SSH1: variants seen among roughly 807,000 people sequenced by gnomAD.
The protein encoded by SSH1 is protein phosphatase Slingshot homolog 1.
A neutral mutation model predicts 79.7 loss-of-function variants in SSH1; 43 were observed. The observed-to-expected ratio is 0.54, with a 90% CI of 0.42 to 0.70. SSH1 has a LOEUF of 0.70. SSH1 is among the 30% of genes least tolerant of loss of function. The pLI is 0.00. For missense variants in SSH1, 1,206 were observed against 1,358.8 expected (o/e 0.89, Z 1.77); for synonymous variants, 599 against 538.3 (o/e 1.11, Z -1.56).
At chr12:108,845,393 G>A (rs1161179582) in intron 2 of SSH1, among the ~76,000 whole-genome samples, 1 of 151,946 alleles carries the variant, frequency 6.6e-6, no homozygotes, top group African/African-American at 2.4e-5. Context: ...AACATGGCCT[G>A]GGTGCGGTGG....
intron 2 of SSH1, among the ~76,000 whole-genome samples, chr12:108,832,908 T>C (rs2038508466): frequency 6.6e-6 from 1 of 152,184 alleles, no homozygotes; most frequent in Admixed American, 6.5e-5. Flanking sequence ...ATTCCAGCTC[T>C]GCAGAGCGTT....
At position 108,857,467 on chromosome 12, in the gene SSH1, G is replaced by T; in HGVS notation, c.30C>A (p.Pro10=). The T allele has an allele frequency of 8.8e-7, 1 of 1,130,978 alleles. No homozygotes were observed. The allele number at this position is 1,130,978 out of a possible 1,614,324, so 70.1% of individuals were successfully genotyped here. Residue 10 remains proline (P), a synonymous_variant, in exon 1 of 15, where the codon CCC becomes CCA. Coordinates refer to ENST00000326495, the MANE Select transcript of SSH1 (RefSeq NM_018984.4). The surrounding 1 kb of genome is among the most constrained non-coding windows in gnomAD (Gnocchi z 4.7). The part of the protein sequence containing the change: MALVTLQRS[P]TPSAASSSAS... ...CCGAGGAGGAGGCGGCGCTGGGCGT[G>T]GGCGAGCGCTGCAGGGTCACCAGGG...
At position 108,778,471 on chromosome 12, in the gene SSH1, AC is replaced by A. The variant is rs2036118136; in HGVS notation, c.*9516del. On this transcript the variant is annotated 3_prime_UTR_variant, in exon 15 of 15. Transcript: ENST00000326495. ...CTTCCTGGCTGTGTGTCCCTGACCC[AC>A]GTTACCTAACCTCTCTGAGCATCCA... 6.6e-6 allele frequency: 1 copy of A among 152,224 alleles called. No homozygotes were observed. The highest frequency in any genetic ancestry group is 1.5e-5 in the Non-Finnish European group (1 of 68,046). The allele number at this position is 152,224 out of a possible 1,614,324, so 9.4% of individuals were successfully genotyped here. A position where few individuals can be genotyped will look rare whatever the true frequency, so the allele number is the denominator to read the frequency against.
intron 2 of SSH1, among the ~76,000 whole-genome samples, chr12:108,832,042 T>C (rs2038486545): frequency 6.6e-6 from 1 of 152,186 alleles, no homozygotes; most frequent in African/African-American, 2.4e-5. Context: ...TATAGAGAGT[T>C]TGTCCCTACA....
intron 2 of SSH1, chr12:108,825,979 C>T (rs976491319): frequency 7.8e-6 from 3 of 382,868 alleles, no homozygotes; most frequent in South Asian, 2.0e-5. Flanking sequence ...AACAGCTATG[C>T]GAGAGGTTCC....
chr12:108,818,186 A>G, intron 4 of SSH1, 63 bp downstream of exon 4: 107 of 1,174,142 alleles, frequency 9.1e-5, no homozygotes, highest in Non-Finnish European at 1.2e-4. Context: ...CAACAGAGCA[A>G]GACCCTCATC....
rs143418224 is a variant in SSH1, at chr12:108,849,728, T to C, written c.110+2910A>G. ...AAATAGCTCTTTGCCCCAAAGACAG[T>C]CTAAGTGACAGAGCTCAGTACTCAC... On this transcript the variant is annotated intron_variant, in intron 2 of 14. Transcript: ENST00000326495. 2.0e-4 allele frequency among the ~76,000 whole-genome samples: 30 copies of C among 146,886 alleles called. No homozygotes were observed. The East Asian group carries it at 4.7e-3, about 23-fold the overall frequency.
chr12:108,816,489 A>G (rs532306188), intron 5 of SSH1, among the ~76,000 whole-genome samples: 9 of 152,334 alleles, frequency 5.9e-5, no homozygotes, highest in African/African-American at 2.2e-4. Flanking sequence ...CTTGGGGTCA[A>G]TGCTCTAACT....
chr12:108,801,195 G>C (rs188402696), intron 11 of SSH1, among the ~76,000 whole-genome samples: 51 of 152,240 alleles, frequency 3.3e-4, no homozygotes, highest in Non-Finnish European at 6.3e-4. Flanking sequence ...AAGCATTCTG[G>C]AAAATTAAAT....
chr12:108,807,736 A>C lies in SSH1; in HGVS notation c.628T>G (p.Tyr210Asp). ...TGCTCGGAGCTGATGCAGCTCTCAT[A>C]GTAGGTAGCCCAGATGAGAGCTACA... ...GGVALIWATY[Y>D]ESCISSEQSC... Residue 210 changes from tyrosine to aspartate, a missense_variant, in exon 8 of 15, where the codon TAT becomes GAT. By Grantham distance (160) the Tyr-to-Asp change is radical (BLOSUM62 -3). Coordinates refer to ENST00000326495, the MANE Select transcript of SSH1 (RefSeq NM_018984.4). The surrounding 1 kb of genome is among the most constrained non-coding windows in gnomAD (Gnocchi z 5.2). The C allele has an allele frequency of 6.2e-7, 1 of 1,613,246 alleles. No individual in the cohort carries two copies. The highest frequency in any genetic ancestry group is 8.5e-7 in the Non-Finnish European group (1 of 1,179,594).
At chr12:108,848,514 C>T (rs2038949675) in intron 2 of SSH1, among the ~76,000 whole-genome samples, 1 of 152,136 alleles carries the variant, frequency 6.6e-6, no homozygotes, top group Non-Finnish European at 1.5e-5. Flanking sequence ...TTCTCCTGAC[C>T]CCAAACAGAA....
At chr12:108,811,432 G>T in intron 5 of SSH1, 104 bp from the exon 6 acceptor site, 1 of 971,444 alleles carries the variant, frequency 1.0e-6, no homozygotes, top group Non-Finnish European at 1.7e-6. Flanking sequence ...GGACGTACGT[G>T]TGGGAGTAGG....
At chr12:108,811,601 G>T (rs1284639225) in intron 5 of SSH1, 1 of 500,420 alleles carries the variant, frequency 2.0e-6, no homozygotes, top group Non-Finnish European at 3.7e-6. Context: ...CCCAGGGCTG[G>T]TGCTCTGCTG....
intron 2 of SSH1, among the ~76,000 whole-genome samples, chr12:108,835,653 A>G (rs1261003958): frequency 6.6e-6 from 1 of 151,140 alleles, no homozygotes; most frequent in Non-Finnish European, 1.5e-5. Flanking sequence ...CCTAAAAACC[A>G]TTTGGCGGGG....
rs973121958 is a variant in SSH1 at position 108,783,728 on chromosome 12, G to C, written c.*4260C>G. On this transcript the variant is annotated 3_prime_UTR_variant, in exon 15 of 15. Transcript: ENST00000326495. ...CTGGATGCACATGATCACTTGACTC[G>C]GTTTCTATACTCAAATATACAGATG... The C allele has an allele frequency of 6.6e-6, 1 of 152,218 alleles. No individual in the cohort carries two copies. Among genetic ancestry groups the C allele is most frequent in the Admixed American group, 6.5e-5 (1 of 15,276 alleles). 9.4% of individuals were successfully genotyped at this position (152,218 alleles called of 1,614,324 possible). A position where few individuals can be genotyped will look rare whatever the true frequency, so the allele number is the denominator to read the frequency against.
At chr12:108,854,491 G>A (rs925660688) in intron 1 of SSH1, among the ~76,000 whole-genome samples, 1 of 152,132 alleles carries the variant, frequency 6.6e-6, no homozygotes, top group Non-Finnish European at 1.5e-5. Flanking sequence ...ATCAAAGACT[G>A]GGAAAAAAAG....
intron 2 of SSH1, among the ~76,000 whole-genome samples, chr12:108,832,418 A>G (rs2038497010): frequency 6.6e-6 from 1 of 152,044 alleles, no homozygotes; most frequent in Non-Finnish European, 1.5e-5. Context: ...ATGGGGCTGA[A>G]AAAGTTCGGT....
intron 2 of SSH1, among the ~76,000 whole-genome samples, chr12:108,848,069 G>A (rs896387803): frequency 1.3e-5 from 2 of 152,196 alleles, no homozygotes; most frequent in African/African-American, 4.8e-5. Flanking sequence ...TGCGAGAGGG[G>A]AGGGTGGAAA....
Position 108,857,475 on chromosome 12 carries a change from G to A in SSH1, c.22C>T (p.Arg8Cys), listed in dbSNP as rs1262189089. 3 of 1,135,716 alleles carry A rather than the reference G, an allele frequency of 2.6e-6. No individual in the cohort carries two copies. Among genetic ancestry groups the A allele is most frequent in the East Asian group, 9.5e-5 (1 of 10,504 alleles). The allele number at this position is 1,135,716 out of a possible 1,614,324, so 70.4% of individuals were successfully genotyped here. Residue 8 changes from arginine (R) to cysteine (C), a missense_variant, in exon 1 of 15, where the codon CGC becomes TGC. Arg to Cys is a radical substitution (Grantham distance 180). Around this residue, in one of 5 missense-constraint regions of SSH1, gnomAD observed 100 missense variants for 82.3 expected, o/e 1.21. Transcript: ENST00000326495. The surrounding 1 kb of genome is among the most constrained non-coding windows in gnomAD (Gnocchi z 4.7). The part of the protein sequence containing the change: MALVTLQ[R>C]SPTPSAASSS... ...GAGGCGGCGCTGGGCGTGGGCGAGC[G>A]CTGCAGGGTCACCAGGGCCATGGCT...
Sources: gnomAD v4.1 joint callset for allele counts (sites outside exome capture counted in the v4.1 genomes callset) on GRCh38, gnomAD v4.1.1 for gene constraint, gnomAD v4.1.1 regional missense constraint, Gnocchi (gnomAD v3.1) non-coding constraint, MANE v1.5 for transcripts, NCBI Gene and HGNC (gene_info 2026-07-23, HGNC 2026-07-21) for gene names.